The following PRR14L variants were observed in gnomAD, a reference collection of about 807,000 sequenced individuals.
PRR14L encodes protein PRR14L.
Under a neutral mutation model 155.0 loss-of-function variants are expected in PRR14L, and 80 were observed. The observed-to-expected ratio is 0.52, with a 90% CI of 0.43 to 0.62. PRR14L has a LOEUF of 0.62. Ranked by LOEUF, PRR14L falls within the 20% of genes least tolerant of loss-of-function variation. The pLI, the probability that PRR14L is intolerant of heterozygous loss-of-function variation, is 0.00. For missense variants in PRR14L, 2,469 were observed against 2,548.0 expected (o/e 0.97, Z 0.67); for synonymous variants, 883 against 916.0 (o/e 0.96, Z 0.65).
At chr22:31,697,950 T>G (rs1353940225) in intron 7 of PRR14L, among the ~76,000 whole-genome samples, 2 of 152,168 alleles carry the variant, frequency 1.3e-5, no homozygotes, top group Non-Finnish European at 2.9e-5. Context: ...ACAGAAAAAA[T>G]TTAAGTAATT....
chr22:31,739,553 T>A (rs539412844), intron 1 of PRR14L, among the ~76,000 whole-genome samples: 91 of 152,304 alleles, frequency 6.0e-4, no homozygotes, highest in Non-Finnish European at 1.1e-3. Context: ...ATTTTCCAAG[T>A]GTTTTCCACA....
intron 8 of PRR14L, 69 bp downstream of exon 8, chr22:31,688,087 G>T: frequency 3.7e-6 from 5 of 1,356,724 alleles, no homozygotes; most frequent in South Asian, 1.3e-5. Flanking sequence ...TTTCTAAAGT[G>T]AAAGGGCTGG....
At chr22:31,736,924 G>C (rs1312307741) in intron 2 of PRR14L, among the ~76,000 whole-genome samples, 2 of 149,938 alleles carry the variant, frequency 1.3e-5, no homozygotes, top group African/African-American at 2.5e-5. Context: ...TGTAATCCCA[G>C]CTATTCAGGA....
In PRR14L at chr22:31,711,005, T is replaced by C. The variant is rs12159638; in HGVS notation, c.5756+1078A>G. Reference sequence around the variant, plus strand: ...TAAACCATATCTGGTGATACCTGTGTAATTTATTCATTAACTAAAAATATA... The same window carrying C: ...TAAACCATATCTGGTGATACCTGTGCAATTTATTCATTAACTAAAAATATA... On this transcript the variant is annotated intron_variant, in intron 4 of 8. Transcript: ENST00000327423. Among the ~76,000 whole-genome samples the C allele has an allele frequency of 9.5e-3, 1,443 of 152,342 alleles. 22 individuals carry two copies. Among genetic ancestry groups the C allele is most frequent in the African/African-American group, 0.031 (1,290 of 41,586 alleles).
chr22:31,689,021 A>G (rs1218523566), intron 7 of PRR14L, among the ~76,000 whole-genome samples: 1 of 152,248 alleles, frequency 6.6e-6, no homozygotes, highest in African/African-American at 2.4e-5. Context: ...TTTTATTACC[A>G]ATTTCCAAAA....
At chr22:31,693,966 T>C (rs2074522899) in intron 7 of PRR14L, among the ~76,000 whole-genome samples, 3 of 152,344 alleles carry the variant, frequency 2.0e-5, no homozygotes, top group Admixed American at 6.5e-5. Context: ...AACCCACTTG[T>C]ATTTCTTTAA....
rs537381353 is a variant in PRR14L at position 31,741,108 on chromosome 22, C to T, written c.-51-2197G>A. 5.7e-4 allele frequency among the ~76,000 whole-genome samples: 86 copies of T among 152,074 alleles called. 1 individual carries two copies. In the South Asian group the frequency reaches 0.017, roughly 31 times the overall value. ...CTCTACTAAAAATACAAAAAATTAGCCAGGCATGATGGCGCGCGCCTGTGG... is the reference window on the plus strand; with the variant it reads ...CTCTACTAAAAATACAAAAAATTAGTCAGGCATGATGGCGCGCGCCTGTGG... On this transcript the variant is annotated intron_variant, in intron 1 of 8. Transcript: ENST00000327423.
intron 2 of PRR14L, 143 bp from the exon 3 acceptor site, chr22:31,725,753 C>T (rs2074713411): frequency 6.8e-6 from 4 of 585,098 alleles, no homozygotes; most frequent in South Asian, 2.4e-5. Flanking sequence ...ACTGCAACAT[C>T]CACCTCCAAG....
At chr22:31,685,848 G>T in intron 8 of PRR14L, 45 bp from the exon 9 acceptor site, 1 of 1,524,286 alleles carries the variant, frequency 6.6e-7, no homozygotes, top group Non-Finnish European at 8.9e-7. Flanking sequence ...TGACTCACAT[G>T]GCCCATCCTG....
At chr22:31,696,874 G>A (rs907360993) in intron 7 of PRR14L, among the ~76,000 whole-genome samples, 5 of 152,158 alleles carry the variant, frequency 3.3e-5, no homozygotes, top group Non-Finnish European at 7.3e-5. Flanking sequence ...CAGCACTTTG[G>A]GAGGCCAAGG....
At chr22:31,722,822 G>A (rs1210735289) in intron 3 of PRR14L, among the ~76,000 whole-genome samples, 1 of 152,162 alleles carries the variant, frequency 6.6e-6, no homozygotes, top group South Asian at 2.1e-4. Flanking sequence ...GTAAGCCACT[G>A]CGCCCAGCCG....
chr22:31,684,917 G>C lies in PRR14L; in HGVS notation c.*610C>G, dbSNP rs2074474946. On this transcript the variant is annotated 3_prime_UTR_variant, in exon 9 of 9. Transcript: ENST00000327423. ...GCCTGGACGGGCTCCTCTGGCACTA[G>C]TGACCCAGTCACAGAGGGGAGAAAA... The C allele has an allele frequency of 6.6e-6, 1 of 152,338 alleles. No individual in the cohort carries two copies. The highest frequency in any genetic ancestry group is 6.5e-5 in the Admixed American group (1 of 15,276). The allele number at this position is 152,338 out of a possible 1,614,324, so 9.4% of individuals were successfully genotyped here. A position where few individuals can be genotyped will look rare whatever the true frequency, so the allele number is the denominator to read the frequency against.
chr22:31,718,013 C>G (rs1347364323), intron 3 of PRR14L, among the ~76,000 whole-genome samples: 1 of 151,436 alleles, frequency 6.6e-6, no homozygotes, highest in African/African-American at 2.4e-5. Flanking sequence ...CTGCAACCTC[C>G]ACTTCCTGGG....
intron 2 of PRR14L, among the ~76,000 whole-genome samples, chr22:31,730,762 G>A (rs940961489): frequency 1.3e-5 from 2 of 152,092 alleles, no homozygotes; most frequent in African/African-American, 4.8e-5. Context: ...TTATTGTGAT[G>A]GTTGCCAAAC....
At position 31,738,910 on chromosome 22, in the gene PRR14L, C is replaced by A; in HGVS notation, c.-50G>T. 2.4e-6 allele frequency: 3 copies of A among 1,258,292 alleles called. No individual in the cohort carries two copies. Among genetic ancestry groups the A allele is most frequent in the Non-Finnish European group, 2.2e-6 (2 of 913,946 alleles). The allele number at this position is 1,258,292 out of a possible 1,614,324, so 77.9% of individuals were successfully genotyped here. ...CAAGTCTTTTACATCAAATGATTCA[C>A]CCTGACACAAATCACAGGAAGGGAT... On this transcript the variant is annotated splice_region_variant and 5_prime_UTR_variant, in exon 2 of 9. Coordinates refer to ENST00000327423, the MANE Select transcript of PRR14L (RefSeq NM_173566.3).
intron 2 of PRR14L, among the ~76,000 whole-genome samples, chr22:31,736,904 G>A (rs775508455): frequency 1.3e-5 from 2 of 151,642 alleles, no homozygotes; most frequent in Non-Finnish European, 2.9e-5. Flanking sequence ...CGGGCGTGGT[G>A]GCCAGCGCCT....
At chr22:31,697,301 C>CAAA (rs35748258) in intron 7 of PRR14L, among the ~76,000 whole-genome samples, 18 of 58,552 alleles carry the variant, frequency 3.1e-4, no homozygotes, top group African/African-American at 6.3e-4. Flanking sequence ...TACTCTGTCT[C>CAAA]AAAAAAAAAA....
At chr22:31,733,802 A>T (rs2074764186) in intron 2 of PRR14L, among the ~76,000 whole-genome samples, 1 of 152,106 alleles carries the variant, frequency 6.6e-6, no homozygotes, top group South Asian at 2.1e-4. Flanking sequence ...ATAGTCAAAA[A>T]GCGACACCCT....
Position 31,712,768 on chromosome 22 carries a change from A to T in PRR14L, c.5071T>A (p.Tyr1691Asn), listed in dbSNP as rs1049367108. ...GTCATCTTGATGGATTCGAGAGAAT[A>T]AAGTGCCATGGGCTTACTGTTAGGC... is the stretch of plus-strand genomic sequence containing the variant. ...KRPNSKPMAL[Y>N]SLESIKMTFI... The change falls in exon 4 of 9, where the codon TAT (tyrosine) becomes AAT (asparagine). Residue 1691 changes from tyrosine to asparagine, a missense_variant. Around this residue, in one of 2 missense-constraint regions of PRR14L, gnomAD observed 2,363 missense variants for 2,371.6 expected, o/e 1.00. Coordinates refer to ENST00000327423, the MANE Select transcript of PRR14L (RefSeq NM_173566.3). The T allele has an allele frequency of 6.4e-7, 1 of 1,551,972 alleles. No homozygotes were observed. The highest frequency in any genetic ancestry group is 2.0e-5 in the Admixed American group (1 of 51,008).
Sources: gnomAD v4.1 joint callset for allele counts (sites outside exome capture counted in the v4.1 genomes callset) on GRCh38, gnomAD v4.1.1 for gene constraint, gnomAD v4.1.1 regional missense constraint, MANE v1.5 for transcripts, NCBI Gene and HGNC (gene_info 2026-07-23, HGNC 2026-07-21) for gene names.